Variants in PLEKHA2 observed in about 807,000 individuals in gnomAD.
PLEKHA2 encodes pleckstrin homology domain-containing family A member 2.
In PLEKHA2, 28 loss-of-function variants were observed where a neutral mutation model predicts 53.2. That is an observed-to-expected ratio of 0.53 (90% confidence interval 0.39 to 0.72). The LOEUF (loss-of-function observed/expected upper bound fraction) is 0.72, where lower values mean the gene tolerates loss of function less well. PLEKHA2 is among the 30% of genes least tolerant of loss of function. The pLI, the probability that PLEKHA2 is intolerant of heterozygous loss-of-function variation, is 0.00. For missense variants in PLEKHA2, 426 were observed against 537.9 expected, an observed-to-expected ratio of 0.79 and a Z score of 2.06; for synonymous variants, 193 against 196.4, an observed-to-expected ratio of 0.98 and a Z score of 0.14.
At chr8:38,957,944 G>T (rs1300112214) in intron 10 of PLEKHA2, among the ~76,000 whole-genome samples, 1 of 152,214 alleles carries the variant, frequency 6.6e-6, no homozygotes, top group Non-Finnish European at 1.5e-5. Context: ...TAGACTTTCA[G>T]GGCCAAGTCC....
intron 10 of PLEKHA2, among the ~76,000 whole-genome samples, chr8:38,963,710 T>C (rs1835082279): frequency 6.6e-6 from 1 of 152,230 alleles, no homozygotes; most frequent in Non-Finnish European, 1.5e-5. Flanking sequence ...ACATTGTAAT[T>C]GTGATCTCAA....
chr8:38,905,424 C>G (rs1833855949), intron 1 of PLEKHA2, among the ~76,000 whole-genome samples: 1 of 151,212 alleles, frequency 6.6e-6, no homozygotes, highest in African/African-American at 2.4e-5. Context: ...CACCACTGCA[C>G]TCCAGCCTGG....
At chr8:38,955,640 A>G (rs1834925643) in intron 9 of PLEKHA2, among the ~76,000 whole-genome samples, 1 of 152,154 alleles carries the variant, frequency 6.6e-6, no homozygotes, top group Non-Finnish European at 1.5e-5. Context: ...GTTCTTGCTC[A>G]TGGATCTCTG....
intron 2 of PLEKHA2, among the ~76,000 whole-genome samples, chr8:38,918,282 C>T (rs574271504): frequency 2.9e-4 from 43 of 149,708 alleles, no homozygotes; most frequent in Admixed American, 1.1e-3. Context: ...ACCACACACA[C>T]GCACACACAT....
At chr8:38,932,342 A>C (rs964046908) in intron 2 of PLEKHA2, among the ~76,000 whole-genome samples, 8 of 152,192 alleles carry the variant, frequency 5.3e-5, no homozygotes, top group Non-Finnish European at 1.2e-4. Context: ...TCTGGTGTGC[A>C]CCAAAGTTGG....
chr8:38,906,108 A>G lies in PLEKHA2; in HGVS notation c.-24+4663A>G, dbSNP rs746473214. On this transcript the variant is annotated intron_variant, in intron 1 of 11. Coordinates refer to ENST00000617275, the MANE Select transcript of PLEKHA2 (RefSeq NM_021623.2). The stretch of plus-strand genomic sequence containing the variant: ...CTCGCAGCTGTTGTTAGGAAGCCCA[A>G]TAGTGAAACCGAATTCATTGTGGGG... Among the ~76,000 whole-genome samples, 8 of 152,400 alleles carry G rather than the reference A, an allele frequency of 5.2e-5. 1 individual carries two copies. The highest frequency in any genetic ancestry group is 4.1e-4 in the South Asian group (2 of 4,832).
At chr8:38,917,662 T>C (rs1199801431) in intron 1 of PLEKHA2, among the ~76,000 whole-genome samples, 1 of 152,180 alleles carries the variant, frequency 6.6e-6, no homozygotes, top group East Asian at 1.9e-4. Context: ...CCTCTATGGA[T>C]GTAAAGTGCC....
chr8:38,902,374 C>T (rs1833803813), intron 1 of PLEKHA2, among the ~76,000 whole-genome samples: 1 of 152,298 alleles, frequency 6.6e-6, no homozygotes, highest in African/African-American at 2.4e-5. Context: ...GTTTGGCTTC[C>T]TTCCTTCTTG....
intron 4 of PLEKHA2, among the ~76,000 whole-genome samples, chr8:38,945,862 A>G (rs1369911273): frequency 6.6e-6 from 1 of 152,210 alleles, no homozygotes; most frequent in Non-Finnish European, 1.5e-5. Flanking sequence ...AGAACAGCAC[A>G]CTGAGGCTGC....
intron 1 of PLEKHA2, among the ~76,000 whole-genome samples, chr8:38,907,778 A>G (rs1210389721): frequency 1.4e-5 from 2 of 139,560 alleles, no homozygotes. Context: ...AAAAAAAATT[A>G]ATCTATTCAT....
intron 4 of PLEKHA2, among the ~76,000 whole-genome samples, chr8:38,944,727 A>AT (rs1834676951): frequency 6.6e-6 from 1 of 152,120 alleles, no homozygotes; most frequent in African/African-American, 2.4e-5. Flanking sequence ...CACCTCCAAC[A>AT]TTGAGGATTA....
chr8:38,965,732 G>A (rs551153871), intron 10 of PLEKHA2, among the ~76,000 whole-genome samples: 2 of 152,262 alleles, frequency 1.3e-5, no homozygotes, highest in Admixed American at 1.3e-4. Context: ...TTCTTATGGA[G>A]AGGGCAATGC....
intron 2 of PLEKHA2, among the ~76,000 whole-genome samples, chr8:38,924,892 T>C (rs902767283): frequency 6.6e-6 from 1 of 152,312 alleles, no homozygotes; most frequent in Non-Finnish European, 1.5e-5. Context: ...TAAACTGATA[T>C]AGAACAAAAA....
intron 2 of PLEKHA2, among the ~76,000 whole-genome samples, chr8:38,924,091 A>G (rs1378996982): frequency 6.6e-6 from 1 of 152,068 alleles, no homozygotes; most frequent in African/African-American, 2.4e-5. Flanking sequence ...ACCTCAGGTG[A>G]TCCACCCACC....
intron 1 of PLEKHA2, among the ~76,000 whole-genome samples, chr8:38,912,286 A>C (rs1324553380): frequency 6.6e-6 from 1 of 152,248 alleles, no homozygotes; most frequent in African/African-American, 2.4e-5. Flanking sequence ...CCTGGGCGAC[A>C]AAAGCAAAAC....
At chr8:38,964,012 T>C (rs1835087329) in intron 10 of PLEKHA2, among the ~76,000 whole-genome samples, 3 of 152,324 alleles carry the variant, frequency 2.0e-5, no homozygotes, top group South Asian at 2.1e-4. Flanking sequence ...TATTTAATTC[T>C]AGCAAGGGTG....
chr8:38,907,574 T>C (rs1420852362), intron 1 of PLEKHA2, among the ~76,000 whole-genome samples: 1 of 152,054 alleles, frequency 6.6e-6, no homozygotes, highest in Non-Finnish European at 1.5e-5. Context: ...GCCTAGGAGT[T>C]TGAGACCAGC....
intron 9 of PLEKHA2, among the ~76,000 whole-genome samples, chr8:38,957,046 G>A (rs188820565): frequency 1.3e-5 from 2 of 152,302 alleles, no homozygotes; most frequent in African/African-American, 4.8e-5. Flanking sequence ...TTAGGCAGGA[G>A]GTTTTGGAGG....
intron 4 of PLEKHA2, among the ~76,000 whole-genome samples, chr8:38,944,675 C>T (rs1834675438): frequency 6.6e-6 from 1 of 151,880 alleles, no homozygotes; most frequent in Non-Finnish European, 1.5e-5. Flanking sequence ...TGAGAAACCG[C>T]CCCCACGACC....
Sources: allele counts gnomAD v4.1 joint callset (sites outside exome capture counted in the v4.1 genomes callset), GRCh38; gene constraint gnomAD v4.1.1; transcripts MANE v1.5; gene names NCBI Gene and HGNC (gene_info 2026-07-23, HGNC 2026-07-21).